SFPQ: variants seen among roughly 807,000 people sequenced by gnomAD.
The protein encoded by SFPQ is splicing factor proline and glutamine rich, also known as splicing factor, proline- and glutamine-rich.
Under a neutral mutation model 72.9 loss-of-function variants are expected in SFPQ, and 11 were observed. The ratio of observed to expected loss-of-function variants is 0.15; its 90% CI spans 0.09 to 0.25. The LOEUF is 0.25. SFPQ is among the 10% of genes least tolerant of loss of function. The pLI is 1.00. For missense variants in SFPQ, 847 were observed against 993.3 expected, an observed-to-expected ratio of 0.85 and a Z score of 1.98; for synonymous variants, 506 against 367.3, an observed-to-expected ratio of 1.38 and a Z score of -4.32.
chr1:35,190,244 A>C (rs1044247032), intron 4 of SFPQ, among the ~76,000 whole-genome samples: 1 of 152,268 alleles, frequency 6.6e-6, no homozygotes, highest in Non-Finnish European at 1.5e-5. Flanking sequence ...TGGGCAACAG[A>C]GACTCAGTCA....
chr1:35,192,709 C>G lies in SFPQ; in HGVS notation c.341G>C (p.Gly114Ala). 1.4e-6 allele frequency: 2 copies of G among 1,463,908 alleles called. No individual in the cohort carries two copies. Among genetic ancestry groups the G allele is most frequent in the Non-Finnish European group, 1.8e-6 (2 of 1,114,966 alleles). The allele number at this position is 1,463,908 out of a possible 1,614,324, so 90.7% of individuals were successfully genotyped here. ...GCCTACTCCGGGAGCGGGGCCGGGT[C>G]CCTGAGCAACGACGGGCTTGGAAGA... ...QDSSKPVVAQ[G>A]PGPAPGVGSA... Residue 114 changes from glycine (G) to alanine (A), a missense_variant, in exon 1 of 10, where the codon GGA (glycine) becomes GCA (alanine). Physicochemically the swap from Gly to Ala is moderately conservative, Grantham distance 60 (BLOSUM62 0). Around this residue, in one of 6 missense-constraint regions of SFPQ, gnomAD observed 498 missense variants for 405.1 expected, o/e 1.23. Transcript: ENST00000357214.
downstream of SFPQ, chr1:35,180,101 T>C: frequency 9.5e-7 from 1 of 1,050,110 alleles, no homozygotes; most frequent in Non-Finnish European, 1.1e-6. Context: ...ACGAGCAAGC[T>C]TTTTCTTGAT....
intron 9 of SFPQ, among the ~76,000 whole-genome samples, chr1:35,185,064 T>C (rs1639640676): frequency 6.6e-6 from 1 of 152,180 alleles, no homozygotes; most frequent in Admixed American, 6.5e-5. Context: ...ATGTGCTGCT[T>C]AAGAAACCTT....
intron 9 of SFPQ, 98 bp downstream of exon 9, chr1:35,186,903 C>T: frequency 2.5e-6 from 3 of 1,209,568 alleles, no homozygotes; most frequent in Non-Finnish European, 2.3e-6. Context: ...AAAAGAGGTC[C>T]AGTCACCTAC....
chr1:35,183,583 T>C lies in SFPQ; in HGVS notation c.*873A>G, dbSNP rs1246649678. The C allele has an allele frequency of 9.8e-7, 1 of 1,021,760 alleles. No individual in the cohort carries two copies. The highest frequency in any genetic ancestry group is 1.7e-5 in the African/African-American group (1 of 58,638). 63.3% of individuals were successfully genotyped at this position (1,021,760 alleles called of 1,614,324 possible). A position where few individuals can be genotyped will look rare whatever the true frequency, so the allele number is the denominator to read the frequency against. On this transcript the variant is annotated 3_prime_UTR_variant, in exon 10 of 10. Transcript: ENST00000357214. ...CTACACCCCATCTTTATAAATCACT[T>C]GAATACATGAAAAGACTTCATGTTT... is the stretch of plus-strand genomic sequence containing the variant.
At position 35,189,096 on chromosome 1, in the gene SFPQ, T is replaced by C. The variant is rs1391588500; in HGVS notation, c.1613-9A>G. 2.5e-6 allele frequency: 4 copies of C among 1,613,362 alleles called. No individual in the cohort carries two copies. The highest frequency in any genetic ancestry group is 2.5e-6 in the Non-Finnish European group (3 of 1,179,810). On this transcript the variant is annotated splice_polypyrimidine_tract_variant and intron_variant, in intron 5 of 9. Coordinates refer to ENST00000357214, the MANE Select transcript of SFPQ (RefSeq NM_005066.3). The stretch of plus-strand genomic sequence containing the variant: ...CTGTCGTCTCATCAGATCTGAACAT[T>C]GGAAAATATTTGGATTCACATTAAC...
intron 6 of SFPQ, 56 bp downstream of exon 6, chr1:35,188,947 T>G: frequency 7.2e-7 from 1 of 1,395,796 alleles, no homozygotes; most frequent in East Asian, 2.3e-5. Context: ...GGCAACAGAA[T>G]GATACGTTTC....
chr1:35,177,080 C>G (rs991201012), intron 5 of SFPQ: 1 of 151,244 alleles, frequency 6.6e-6, no homozygotes, highest in Admixed American at 6.6e-5. Flanking sequence ...CCGGGCGTGG[C>G]AGAACATGCC....
In SFPQ at chr1:35,183,300, C is replaced by T. The variant is rs1338080196; in HGVS notation, c.*1156G>A. On this transcript the variant is annotated 3_prime_UTR_variant, in exon 10 of 10. Coordinates refer to ENST00000357214, the MANE Select transcript of SFPQ (RefSeq NM_005066.3). The stretch of plus-strand genomic sequence containing the variant: ...CAGTGGCAGTCTCAGCTCACTGCAA[C>T]CTCCATCTCCAGGTTCAAGCAATTC... 1 of 412,532 alleles carries T rather than the reference C, an allele frequency of 2.4e-6. No homozygotes were observed. The highest frequency in any genetic ancestry group is 3.3e-6 in the Non-Finnish European group (1 of 299,596). 25.6% of individuals were successfully genotyped at this position (412,532 alleles called of 1,614,324 possible).
chr1:35,186,289 A>T (rs1450932884), intron 9 of SFPQ, among the ~76,000 whole-genome samples: 2 of 152,232 alleles, frequency 1.3e-5, no homozygotes, highest in Non-Finnish European at 2.9e-5. Context: ...GCAGCCACTC[A>T]TACCAGTTCA....
rs1640055311 is a variant in SFPQ, at chr1:35,192,278, C to G, written c.772G>C (p.Gly258Arg). The change falls in exon 1 of 10, where the codon GGG becomes CGG. Residue 258 changes from glycine to arginine, a missense_variant. Transcript: ENST00000357214. ...HPPYHQQHHQ[G>R]PPPGGPGGRS... ...CCGCCGGGCCCGCCGGGCGGGGGCC[C>G]CTGGTGATGCTGCTGGTGGTAGGGC... 1 of 1,462,500 alleles carries G rather than the reference C, an allele frequency of 6.8e-7. No individual in the cohort carries two copies. The highest frequency in any genetic ancestry group is 9.0e-7 in the Non-Finnish European group (1 of 1,115,098). The allele number at this position is 1,462,500 out of a possible 1,614,324, so 90.6% of individuals were successfully genotyped here.
chr1:35,187,854 T>C lies in SFPQ; in HGVS notation c.1815+119A>G. 5 of 697,434 alleles carry C rather than the reference T, an allele frequency of 7.2e-6. No homozygotes were observed. In the South Asian group the frequency reaches 8.7e-5, roughly 12 times the overall value. The allele number at this position is 697,434 out of a possible 1,614,324, so 43.2% of individuals were successfully genotyped here. A position where few individuals can be genotyped will look rare whatever the true frequency, so the allele number is the denominator to read the frequency against. On this transcript the variant is annotated intron_variant, in intron 7 of 9. Transcript: ENST00000357214. ...ACAAGGAAATCAAACATAATATACT[T>C]TGTTAGAAAAAAAGCAGAAAATAAC... is the stretch of plus-strand genomic sequence containing the variant.
chr1:35,182,296 C>T (rs1639502043), downstream of SFPQ: 4 of 985,072 alleles, frequency 4.1e-6, no homozygotes, highest in Non-Finnish European at 4.8e-6. Context: ...CTAATCAAGA[C>T]CCTTGTTTCC....
At chr1:35,191,215 A>C (rs1639980512) in intron 2 of SFPQ, 126 bp downstream of exon 2, 2 of 895,034 alleles carry the variant, frequency 2.2e-6, no homozygotes, top group Admixed American at 5.5e-5. Context: ...TTCCTGTAAG[A>C]ATGGTGAAAA....
chr1:35,191,093 G>T, intron 2 of SFPQ, 98 bp from the exon 3 acceptor site: 3 of 1,126,070 alleles, frequency 2.7e-6, no homozygotes, highest in Non-Finnish European at 3.8e-6. Context: ...TCTTCCTTCA[G>T]CTCAGTTCGA....
At chr1:35,184,950 T>C (rs986335348) in intron 9 of SFPQ, among the ~76,000 whole-genome samples, 7 of 152,216 alleles carry the variant, frequency 4.6e-5, no homozygotes, top group African/African-American at 1.4e-4. Flanking sequence ...ACTCTCACTT[T>C]CAACGTCTGA....
rs1639866745 is a variant in SFPQ at position 35,189,056 on chromosome 1, G to A, written c.1644C>T (p.Arg548=). 6.2e-7 allele frequency: 1 copy of A among 1,612,884 alleles called. No individual in the cohort carries two copies. Among genetic ancestry groups the A allele is most frequent in the African/African-American group, 1.3e-5 (1 of 75,022 alleles). ...TTTCTTGATTGTGAAGTTCTTCCAT[G>A]CGTCTTAATTCTTCCTGTCGTCTCA... ...DLMRRQEELR[R]MEELHNQEMQ... Residue 548 remains arginine, a synonymous_variant, in exon 6 of 10, where the codon CGC becomes CGT. Coordinates refer to ENST00000357214, the MANE Select transcript of SFPQ (RefSeq NM_005066.3).
At chr1:35,188,486 C>G (rs765096862) in intron 6 of SFPQ, among the ~76,000 whole-genome samples, 15 of 151,996 alleles carry the variant, frequency 9.9e-5, no homozygotes, top group African/African-American at 3.6e-4. Context: ...CCAGCCTAGG[C>G]AATATAGGAA....
downstream of SFPQ, chr1:35,180,993 A>C (rs1046707153): frequency 5.2e-5 from 55 of 1,064,948 alleles, no homozygotes; most frequent in Non-Finnish European, 6.0e-5. Context: ...CCACACCCAC[A>C]CAGTTTTGAT....
Sources: gnomAD v4.1 joint callset for allele counts (sites outside exome capture counted in the v4.1 genomes callset) on GRCh38, gnomAD v4.1.1 for gene constraint, gnomAD v4.1.1 regional missense constraint, MANE v1.5 for transcripts, NCBI Gene and HGNC (gene_info 2026-07-23, HGNC 2026-07-21) for gene names.